The following RIMS2 variants were observed in gnomAD, a reference collection of about 807,000 sequenced individuals.
The protein encoded by RIMS2 is regulating synaptic membrane exocytosis 2.
A neutral mutation model predicts 174.4 loss-of-function variants in RIMS2; 59 were observed. That is an observed-to-expected ratio of 0.34 (90% confidence interval 0.27 to 0.42). The LOEUF (loss-of-function observed/expected upper bound fraction) is 0.42. Among genes scored for constraint, RIMS2 ranks in the 10% least tolerant of loss-of-function variants. The pLI, the probability that RIMS2 is intolerant of heterozygous loss-of-function variation, is 1.00. For missense variants in RIMS2, 1,620 were observed against 1,666.3 expected (o/e 0.97, Z 0.48); for synonymous variants, 606 against 572.5 (o/e 1.06, Z -0.84).
At chr8:103,648,192 G>A (rs539808619) in intron 1 of RIMS2, among the ~76,000 whole-genome samples, 2 of 152,118 alleles carry the variant, frequency 1.3e-5, no homozygotes, top group South Asian at 4.2e-4. Context: ...AGTCATTCAG[G>A]AGCAGGTTGT....
chr8:104,148,847 G>A lies in RIMS2; in HGVS notation c.3335-96069G>A, dbSNP rs368216125. 1.9e-4 allele frequency: 304 copies of A among 1,595,852 alleles called. 3 individuals are homozygous for A. Among genetic ancestry groups the A allele is most frequent in the Non-Finnish European group, 4.2e-5 (50 of 1,177,906 alleles). ...GCAGTGCTTCTCAGCTCAGCCAAAC[G>A]GGTAGGAATTTCAATGTTACTTTTA... is the stretch of plus-strand genomic sequence containing the variant. On this transcript the variant is annotated intron_variant, in intron 19 of 23. Transcript: ENST00000504942.
At chr8:103,721,960 G>A (rs7832196) in intron 2 of RIMS2, among the ~76,000 whole-genome samples, 18,883 of 152,126 alleles carry the variant, frequency 0.12, 1,271 homozygotes, top group Middle Eastern at 0.22. Flanking sequence ...TGGAGGAGCC[G>A]TTTTGGGGTG....
chr8:103,537,365 T>C (rs1563687662), intron 1 of RIMS2, among the ~76,000 whole-genome samples: 1 of 152,230 alleles, frequency 6.6e-6, no homozygotes. Flanking sequence ...TTTTTGGAAT[T>C]GAAAACTTAG....
intron 19 of RIMS2, among the ~76,000 whole-genome samples, chr8:104,166,479 TAAGTTC>T (rs1442709240): frequency 5.3e-5 from 8 of 152,048 alleles, no homozygotes; most frequent in Non-Finnish European, 1.2e-4. Context: ...AAGTGTAGAG[TAAGTTC>T]AGAAAAAACA....
chr8:103,680,490 T>C (rs1564266076), intron 1 of RIMS2, among the ~76,000 whole-genome samples: 1 of 152,042 alleles, frequency 6.6e-6, no homozygotes, highest in East Asian at 1.9e-4. Flanking sequence ...TTCTGTTTTG[T>C]TTTGTTTTAT....
intron 1 of RIMS2, among the ~76,000 whole-genome samples, chr8:103,572,641 T>C (rs1300129549): frequency 6.6e-6 from 1 of 152,190 alleles, no homozygotes; most frequent in Non-Finnish European, 1.5e-5. Flanking sequence ...TATTTGCGTT[T>C]CTCCAATGAT....
At chr8:103,972,497 G>T (rs768804541) in intron 15 of RIMS2, among the ~76,000 whole-genome samples, 1 of 152,064 alleles carries the variant, frequency 6.6e-6, no homozygotes, top group Non-Finnish European at 1.5e-5. Context: ...CCCACGAATG[G>T]GTTAAAATCA....
At chr8:103,842,083 G>A (rs1383246912) in intron 3 of RIMS2, among the ~76,000 whole-genome samples, 1 of 152,140 alleles carries the variant, frequency 6.6e-6, no homozygotes, top group East Asian at 1.9e-4. Context: ...AACCAAATAT[G>A]TATGAGATTA....
intron 1 of RIMS2, among the ~76,000 whole-genome samples, chr8:103,643,481 G>A (rs2135586105): frequency 6.6e-6 from 1 of 152,172 alleles, no homozygotes; most frequent in South Asian, 2.1e-4. Flanking sequence ...AGCTGGAGAA[G>A]GGTTATTCAG....
intron 3 of RIMS2, among the ~76,000 whole-genome samples, chr8:103,856,897 C>G (rs553297785): frequency 6.6e-6 from 1 of 151,992 alleles, no homozygotes; most frequent in South Asian, 2.1e-4. Flanking sequence ...ACCTCCGCCT[C>G]TCAGGTTCAA....
chr8:103,638,456 C>T lies in RIMS2; in HGVS notation c.177-58630C>T, dbSNP rs534704264. Reference sequence around the variant, plus strand: ...ACTCTTCTGTAAGGGAAATATGCGCCGTCTTCTCTAATTATTTATTTATTT... The same window carrying T: ...ACTCTTCTGTAAGGGAAATATGCGCTGTCTTCTCTAATTATTTATTTATTT... On this transcript the variant is annotated intron_variant, in intron 1 of 23. Coordinates refer to ENST00000504942, the Ensembl canonical transcript of RIMS2. 3.4e-4 allele frequency among the ~76,000 whole-genome samples: 51 copies of T among 151,952 alleles called. No individual in the cohort carries two copies. The South Asian group carries it at 9.1e-3, about 27-fold the overall frequency.
At chr8:103,871,644 C>T (rs893444928) in intron 3 of RIMS2, among the ~76,000 whole-genome samples, 3 of 152,112 alleles carry the variant, frequency 2.0e-5, no homozygotes, top group South Asian at 4.2e-4. Flanking sequence ...TTTTAATGCT[C>T]TGACGTGTTC....
At chr8:103,855,826 T>C (rs62527103) in intron 3 of RIMS2, among the ~76,000 whole-genome samples, 27,725 of 152,080 alleles carry the variant, frequency 0.18, 3,118 homozygotes, top group South Asian at 0.34. Flanking sequence ...ACAGCGTATA[T>C]TTTGTGGTTG....
exon 4 of RIMS2, chr8:103,885,954 A>T (rs993007613): frequency 6.2e-7 from 1 of 1,613,050 alleles, no homozygotes; most frequent in African/African-American, 1.3e-5. Context: ...AGGCGTACTG[A>T]CTCACTACGG....
intron 10 of RIMS2, among the ~76,000 whole-genome samples, chr8:103,925,472 A>G (rs2078592309): frequency 6.6e-6 from 1 of 151,492 alleles, no homozygotes; most frequent in African/African-American, 2.4e-5. Flanking sequence ...CATTGTCATA[A>G]CTTTGTTATT....
intron 1 of RIMS2, among the ~76,000 whole-genome samples, chr8:103,655,013 G>A (rs530360989): frequency 6.6e-6 from 1 of 151,698 alleles, no homozygotes; most frequent in African/African-American, 2.4e-5. Context: ...GGCTTCTTGA[G>A]GTCTGTATTT....
intron 2 of RIMS2, among the ~76,000 whole-genome samples, chr8:103,761,404 A>T (rs986823482): frequency 1.9e-4 from 29 of 152,378 alleles, no homozygotes; most frequent in Admixed American, 7.2e-4. Context: ...AACTTAGTAG[A>T]AGTTTAGTTT....
chr8:103,659,265 G>T (rs1473018409), intron 1 of RIMS2, among the ~76,000 whole-genome samples: 1 of 152,080 alleles, frequency 6.6e-6, no homozygotes, highest in African/African-American at 2.4e-5. Flanking sequence ...CACGGGCTGC[G>T]GGCTGCCTAG....
chr8:104,171,733 A>G lies in RIMS2; in HGVS notation c.3335-73183A>G, dbSNP rs62508127. On this transcript the variant is annotated intron_variant, in intron 19 of 23. Coordinates refer to ENST00000504942, the Ensembl canonical transcript of RIMS2. ...AAACCCTGTTTTCTCATATTACCAG[A>G]ATCACTTTTATGGTTCCCATTCATT... Among the ~76,000 whole-genome samples, 755 of 152,196 alleles carry G rather than the reference A, an allele frequency of 5.0e-3. 11 individuals are homozygous for G. Among genetic ancestry groups the G allele is most frequent in the Middle Eastern group, 6.8e-3 (2 of 294 alleles).
Sources: allele counts gnomAD v4.1 joint callset (sites outside exome capture counted in the v4.1 genomes callset), GRCh38; gene constraint gnomAD v4.1.1; transcripts MANE v1.5; gene names NCBI Gene and HGNC (gene_info 2026-07-23, HGNC 2026-07-21).